The following RBFOX1 variants were observed in gnomAD, a reference collection of about 807,000 sequenced individuals.
RBFOX1 encodes RNA binding fox-1 homolog 1.
A neutral mutation model predicts 57.7 loss-of-function variants in RBFOX1; 8 were observed. The ratio of observed to expected loss-of-function variants is 0.14; its 90% CI spans 0.08 to 0.25. The LOEUF is 0.25. Among genes scored for constraint, RBFOX1 ranks in the 10% least tolerant of loss-of-function variants. The pLI, the probability that RBFOX1 is intolerant of heterozygous loss-of-function variation, is 1.00. For missense variants in RBFOX1, 611 were observed against 548.5 expected (o/e 1.11, Z -1.14); for synonymous variants, 326 against 222.4 (o/e 1.47, Z -4.15).
intron 4 of RBFOX1, among the ~76,000 whole-genome samples, chr16:7,087,992 A>T (rs1156332882): frequency 6.6e-6 from 1 of 152,168 alleles, no homozygotes; most frequent in Non-Finnish European, 1.5e-5. Flanking sequence ...GTGTAAGGTG[A>T]TTATACTTGT....
intron 5 of RBFOX1, among the ~76,000 whole-genome samples, chr16:7,534,603 G>A (rs368412832): frequency 1.3e-5 from 2 of 152,250 alleles, no homozygotes; most frequent in Non-Finnish European, 1.5e-5. Flanking sequence ...TCGTTAGTGC[G>A]TCTTCTGTTG....
chr16:6,576,519 G>C (rs1021714761), intron 2 of RBFOX1, among the ~76,000 whole-genome samples: 8 of 151,822 alleles, frequency 5.3e-5, no homozygotes, highest in Non-Finnish European at 1.2e-4. Flanking sequence ...TTAAAAACTT[G>C]AGGACATTGA....
chr16:5,703,325 A>T (rs150412721), intron 3 of RBFOX1, among the ~76,000 whole-genome samples: 1 of 152,320 alleles, frequency 6.6e-6, no homozygotes, highest in East Asian at 1.9e-4. Context: ...ATGTATAAGA[A>T]TTGGCCATGC....
intron 2 of RBFOX1, among the ~76,000 whole-genome samples, chr16:5,570,067 T>C (rs1189725165): frequency 6.6e-6 from 1 of 152,222 alleles, no homozygotes; most frequent in Non-Finnish European, 1.5e-5. Context: ...GAGCATTTTA[T>C]AAACATGGAA....
intron 3 of RBFOX1, among the ~76,000 whole-genome samples, chr16:6,770,514 C>A (rs553540318): frequency 2.0e-5 from 3 of 152,108 alleles, no homozygotes; most frequent in Non-Finnish European, 2.9e-5. Flanking sequence ...CCCTGCAAGT[C>A]GAAAATATTT....
At chr16:6,830,715 A>C (rs1020899118) in intron 3 of RBFOX1, among the ~76,000 whole-genome samples, 1 of 152,184 alleles carries the variant, frequency 6.6e-6, no homozygotes, top group Non-Finnish European at 1.5e-5. Flanking sequence ...TTGCTCTATC[A>C]TGGTTAAAAT....
At chr16:6,589,041 G>A (rs553207964) in intron 2 of RBFOX1, among the ~76,000 whole-genome samples, 16 of 152,112 alleles carry the variant, frequency 1.1e-4, no homozygotes, top group Middle Eastern at 3.4e-3. Flanking sequence ...TTTTCAGAAT[G>A]GGTTATTACA....
At chr16:6,205,466 C>T (rs912639854) in intron 1 of RBFOX1, among the ~76,000 whole-genome samples, 5 of 152,174 alleles carry the variant, frequency 3.3e-5, no homozygotes, top group Non-Finnish European at 5.9e-5. Flanking sequence ...TTCTTCTCTG[C>T]GTCTGCTTCT....
At chr16:7,311,137 A>T (rs564464602) in intron 4 of RBFOX1, among the ~76,000 whole-genome samples, 6 of 152,336 alleles carry the variant, frequency 3.9e-5, no homozygotes, top group Admixed American at 3.9e-4. Flanking sequence ...ATAGCCATAC[A>T]TTCAACGTCT....
At chr16:7,240,603 G>T (rs1223628416) in intron 4 of RBFOX1, among the ~76,000 whole-genome samples, 1 of 152,128 alleles carries the variant, frequency 6.6e-6, no homozygotes, top group Admixed American at 6.6e-5. Context: ...CACCCAGGCT[G>T]GAGTACAGTG....
chr16:7,278,771 G>T (rs963932675), intron 4 of RBFOX1, among the ~76,000 whole-genome samples: 4 of 152,148 alleles, frequency 2.6e-5, no homozygotes, highest in Admixed American at 2.6e-4. Flanking sequence ...TTTAAAAAAT[G>T]CAATAAAACC....
chr16:7,239,109 G>C (rs2093927558), intron 4 of RBFOX1, among the ~76,000 whole-genome samples: 1 of 152,096 alleles, frequency 6.6e-6, no homozygotes, highest in African/African-American at 2.4e-5. Context: ...ATATACACAT[G>C]CATGTCTTTT....
intron 4 of RBFOX1, among the ~76,000 whole-genome samples, chr16:7,372,737 A>G (rs991452050): frequency 5.9e-5 from 9 of 152,084 alleles, no homozygotes; most frequent in African/African-American, 9.7e-5. Context: ...TTTTGAATCA[A>G]TATAAAAAGC....
chr16:6,358,916 G>A (rs1299211076), intron 2 of RBFOX1, among the ~76,000 whole-genome samples: 1 of 152,198 alleles, frequency 6.6e-6, no homozygotes. Flanking sequence ...GAAACATGAA[G>A]GGTAGCAAAG....
chr16:7,000,844 C>T (rs886624187), intron 3 of RBFOX1, among the ~76,000 whole-genome samples: 31 of 152,074 alleles, frequency 2.0e-4, no homozygotes, highest in African/African-American at 7.0e-4. Flanking sequence ...CCTTGTGATC[C>T]GCCCGCCTCG....
At chr16:6,587,065 C>A (rs2097636892) in intron 2 of RBFOX1, among the ~76,000 whole-genome samples, 1 of 151,828 alleles carries the variant, frequency 6.6e-6, no homozygotes. Flanking sequence ...TAGCAATTTC[C>A]TAGTATACAG....
At chr16:7,317,090 C>A (rs569451025) in intron 4 of RBFOX1, among the ~76,000 whole-genome samples, 27 of 151,902 alleles carry the variant, frequency 1.8e-4, no homozygotes, top group Middle Eastern at 3.4e-3. Flanking sequence ...TAGAGGGAGA[C>A]AAGATAGAAA....
At chr16:6,868,136 T>C (rs549280453) in intron 3 of RBFOX1, among the ~76,000 whole-genome samples, 8 of 152,370 alleles carry the variant, frequency 5.3e-5, no homozygotes, top group African/African-American at 1.7e-4. Flanking sequence ...AATACTCATT[T>C]GAAATTAGCA....
intron 3 of RBFOX1, among the ~76,000 whole-genome samples, chr16:5,751,512 ATAGT>A (rs2053203203): frequency 6.6e-6 from 1 of 152,184 alleles, no homozygotes; most frequent in Non-Finnish European, 1.5e-5. Flanking sequence ...TTGGTCTCAA[ATAGT>A]TAGATGATGT....
Sources: gnomAD v4.1 joint callset for allele counts (sites outside exome capture counted in the v4.1 genomes callset) on GRCh38, gnomAD v4.1.1 for gene constraint, MANE v1.5 for transcripts, NCBI Gene and HGNC (gene_info 2026-07-23, HGNC 2026-07-21) for gene names.